The following ERI1 variants were observed in gnomAD, a reference collection of about 807,000 sequenced individuals.
The protein encoded by ERI1 is 3'-5' exoribonuclease 1.
In ERI1, 39 loss-of-function variants were observed where a neutral mutation model predicts 39.7. The ratio of observed to expected loss-of-function variants is 0.98; its 90% CI spans 0.76 to 1.28. ERI1 has a LOEUF of 1.28. Among genes scored for constraint, ERI1 ranks in the 50% most tolerant of loss-of-function variants. The pLI, the probability that ERI1 is intolerant of heterozygous loss-of-function variation, is 0.00. For synonymous variants in ERI1, 204 were observed against 149.6 expected (o/e 1.36, Z -2.65); for missense variants, 581 against 416.9 (o/e 1.39, Z -3.43).
At chr8:9,060,967 C>T (rs895345546) in intron 3 of ERI1, among the ~76,000 whole-genome samples, 3 of 152,188 alleles carry the variant, frequency 2.0e-5, no homozygotes, top group Non-Finnish European at 4.4e-5. Flanking sequence ...GCCTGTATAA[C>T]AGCATGGTGG....
chr8:9,071,100 G>A (rs777424080), intron 3 of ERI1, among the ~76,000 whole-genome samples: 1 of 152,206 alleles, frequency 6.6e-6, no homozygotes, highest in African/African-American at 2.4e-5. Flanking sequence ...TTTGGAAAGA[G>A]AACTGTTGCT....
intron 1 of ERI1, chr8:9,004,183 T>G: frequency 1.6e-6 from 2 of 1,288,714 alleles, no homozygotes; most frequent in Non-Finnish European, 2.0e-6. Context: ...GCAATTATCT[T>G]TCTCCTTCTA....
chr8:9,074,167 G>A (rs1799137337), intron 3 of ERI1, among the ~76,000 whole-genome samples: 1 of 151,908 alleles, frequency 6.6e-6, no homozygotes, highest in South Asian at 2.1e-4. Flanking sequence ...CTGGAGTATG[G>A]TGGTGCAATC....
At chr8:9,020,727 T>C (rs1312440318) in intron 6 of ERI1, among the ~76,000 whole-genome samples, 1 of 152,192 alleles carries the variant, frequency 6.6e-6, no homozygotes, top group Non-Finnish European at 1.5e-5. Flanking sequence ...GGATTGTTCA[T>C]GGAGCAAATG....
chr8:9,035,304 G>T (rs1182229357), downstream of ERI1, among the ~76,000 whole-genome samples: 1 of 152,188 alleles, frequency 6.6e-6, no homozygotes, highest in Non-Finnish European at 1.5e-5. Flanking sequence ...TAACATCTAG[G>T]ACTTTGATAG....
intron 3 of ERI1, among the ~76,000 whole-genome samples, chr8:9,015,734 AAAAAAAAG>A (rs1281685365): frequency 2.6e-5 from 4 of 151,046 alleles, no homozygotes; most frequent in African/African-American, 9.7e-5. Flanking sequence ...AAAAAAAAAA[AAAAAAAAG>A]AGACCATCGT....
At chr8:9,070,234 C>A (rs1313858470) in intron 3 of ERI1, among the ~76,000 whole-genome samples, 6 of 149,494 alleles carry the variant, frequency 4.0e-5, no homozygotes, top group Non-Finnish European at 8.9e-5. Context: ...GAGACGCTGT[C>A]TCAAAAAAAA....
At chr8:9,096,708 C>CTTTTTTTTTTT (rs557869870) in intron 3 of ERI1, 5 of 96,546 alleles carry the variant, frequency 5.2e-5, no homozygotes, top group Non-Finnish European at 7.4e-5. Context: ...CTATTGCCAT[C>CTTTTTTTTTTT]TTTTTTTTTT....
chr8:9,085,284 C>A (rs557035047), intron 3 of ERI1, among the ~76,000 whole-genome samples: 22 of 152,172 alleles, frequency 1.4e-4, no homozygotes, highest in Non-Finnish European at 3.1e-4. Context: ...TCTCGACTTA[C>A]TGCAAACTCT....
At chr8:9,029,684 A>G (rs1797447284) in intron 6 of ERI1, 108 bp from the exon 7 acceptor site, 2 of 1,347,890 alleles carry the variant, frequency 1.5e-6, no homozygotes, top group African/African-American at 1.5e-5. Flanking sequence ...GCCTAGCTTT[A>G]TTTAGCTGTT....
intron 3 of ERI1, among the ~76,000 whole-genome samples, chr8:9,041,055 G>GCTGAGT (rs1329122860): frequency 6.6e-6 from 1 of 152,160 alleles, no homozygotes; most frequent in African/African-American, 2.4e-5. Flanking sequence ...CACTTGCTCC[G>GCTGAGT]CTGAGTGTTT....
intron 3 of ERI1, among the ~76,000 whole-genome samples, chr8:9,075,143 A>G (rs1163173261): frequency 6.6e-6 from 1 of 152,234 alleles, no homozygotes; most frequent in African/African-American, 2.4e-5. Flanking sequence ...AATGTTTTCT[A>G]AATGAATCTG....
chr8:9,087,348 C>G (rs1036653750), intron 3 of ERI1, among the ~76,000 whole-genome samples: 2 of 151,484 alleles, frequency 1.3e-5, no homozygotes, highest in African/African-American at 4.8e-5. Context: ...CGGGTTGAAG[C>G]CATTTTCCTG....
intron 3 of ERI1, among the ~76,000 whole-genome samples, chr8:9,075,805 T>G (rs1247901082): frequency 1.3e-5 from 2 of 152,188 alleles, no homozygotes; most frequent in Non-Finnish European, 2.9e-5. Context: ...AAAAATTTTT[T>G]ATTTATTATT....
intron 6 of ERI1, among the ~76,000 whole-genome samples, 169 bp from the exon 7 acceptor site, chr8:9,029,623 G>T (rs566552822): frequency 3.9e-4 from 60 of 152,272 alleles, no homozygotes; most frequent in African/African-American, 1.3e-3. Flanking sequence ...GAGCCACCTT[G>T]CCTGGCCTGA....
At chr8:9,048,313 C>A (rs1221003632) in intron 3 of ERI1, 1 of 154,282 alleles carries the variant, frequency 6.5e-6, no homozygotes, top group African/African-American at 2.4e-5. Context: ...ATTAGGGAAG[C>A]AGTGATGAGA....
intron 3 of ERI1, among the ~76,000 whole-genome samples, chr8:9,060,469 G>C (rs111340340): frequency 1.3e-5 from 2 of 152,196 alleles, no homozygotes; most frequent in African/African-American, 4.8e-5. Context: ...AATCCCTGAG[G>C]GGCAGTAGAA....
At chr8:9,011,938 C>G (rs1816717531) in intron 3 of ERI1, among the ~76,000 whole-genome samples, 186 bp downstream of exon 3, 1 of 152,182 alleles carries the variant, frequency 6.6e-6, no homozygotes, top group South Asian at 2.1e-4. Context: ...TTAGAGACTA[C>G]TGCTTTCTTT....
In ERI1 at chr8:9,030,153, T is replaced by C. The variant is rs548490956; in HGVS notation, c.*119T>C. The C allele has an allele frequency of 6.9e-6, 9 of 1,302,470 alleles. No homozygotes were observed. The East Asian group carries it at 1.7e-4, about 25-fold the overall frequency. 80.7% of individuals were successfully genotyped at this position (1,302,470 alleles called of 1,614,324 possible). ...GCACCTTAAAACATTTAAAATCTTA[T>C]TACAGGTGATAGAGATAGATACATG... On this transcript the variant is annotated 3_prime_UTR_variant, in exon 7 of 7. Coordinates refer to ENST00000250263, the MANE Select transcript of ERI1 (RefSeq NM_153332.4).
Sources: gnomAD v4.1 joint callset for allele counts (sites outside exome capture counted in the v4.1 genomes callset) on GRCh38, gnomAD v4.1.1 for gene constraint, MANE v1.5 for transcripts, NCBI Gene and HGNC (gene_info 2026-07-23, HGNC 2026-07-21) for gene names.